Variants in CHN1 observed in about 807,000 individuals in gnomAD.
The protein encoded by CHN1 is N-chimaerin.
In CHN1, 37 loss-of-function variants were observed where a neutral mutation model predicts 59.5. The observed-to-expected ratio is 0.62, with a 90% confidence interval of 0.48 to 0.82. The LOEUF (loss-of-function observed/expected upper bound fraction) is 0.82, where lower values mean the gene tolerates loss of function less well. CHN1 is among the 40% of genes least tolerant of loss of function. CHN1 has a pLI of 0.00. For missense variants in CHN1, 469 were observed against 571.0 expected (o/e 0.82, Z 1.82); for synonymous variants, 206 against 200.4 (o/e 1.03, Z -0.24).
At chr2:174,907,295 A>G (rs1039318458) in intron 5 of CHN1, among the ~76,000 whole-genome samples, 8 of 152,018 alleles carry the variant, frequency 5.3e-5, no homozygotes, top group African/African-American at 1.9e-4. Context: ...CTACTGCTGG[A>G]AAAAAAATTC....
chr2:174,862,567 G>A (rs771665633), intron 6 of CHN1, among the ~76,000 whole-genome samples: 1 of 152,038 alleles, frequency 6.6e-6, no homozygotes, highest in Non-Finnish European at 1.5e-5. Flanking sequence ...TCCTAACCTC[G>A]TGATCCACCT....
chr2:174,871,979 C>T (rs142180918), intron 6 of CHN1, among the ~76,000 whole-genome samples: 7 of 152,202 alleles, frequency 4.6e-5, no homozygotes, highest in Admixed American at 1.3e-4. Context: ...TTGCTCTTAA[C>T]TTGTTTAAAT....
chr2:174,994,448 G>A (rs1370288889), intron 1 of CHN1, among the ~76,000 whole-genome samples: 1 of 152,136 alleles, frequency 6.6e-6, no homozygotes. Context: ...AACATTTATT[G>A]AGTAGCTGGT....
At chr2:174,883,184 T>C (rs1031436415) in intron 5 of CHN1, among the ~76,000 whole-genome samples, 5 of 152,170 alleles carry the variant, frequency 3.3e-5, no homozygotes, top group African/African-American at 1.2e-4. Flanking sequence ...TCGAAGTCCG[T>C]TTAAAAAGCA....
intron 5 of CHN1, among the ~76,000 whole-genome samples, chr2:174,887,450 T>C (rs1175889131): frequency 2.6e-5 from 4 of 152,194 alleles, no homozygotes; most frequent in Non-Finnish European, 5.9e-5. Flanking sequence ...AGGCACTATG[T>C]ATGTATTAAC....
intron 1 of CHN1, among the ~76,000 whole-genome samples, chr2:174,975,429 A>C (rs1032577398): frequency 2.0e-5 from 3 of 152,100 alleles, no homozygotes; most frequent in Non-Finnish European, 4.4e-5. Context: ...TGCCCTCCCC[A>C]AGCACTTCAA....
At chr2:174,844,889 T>G (rs1463435289) in intron 7 of CHN1, among the ~76,000 whole-genome samples, 2 of 152,276 alleles carry the variant, frequency 1.3e-5, no homozygotes, top group East Asian at 3.9e-4. Flanking sequence ...GCATAAATAC[T>G]CTAAGAACAA....
At chr2:174,945,350 G>C (rs1458519338) in intron 2 of CHN1, 3 of 184,384 alleles carry the variant, frequency 1.6e-5, no homozygotes, top group African/African-American at 7.1e-5. Flanking sequence ...AAGATTTATA[G>C]GCTAAATGTA....
intron 4 of CHN1, 46 bp from the exon 5 acceptor site, chr2:174,915,217 AATAAAACAAG>A (rs1245719656): frequency 1.4e-6 from 2 of 1,447,548 alleles, no homozygotes; most frequent in Non-Finnish European, 1.9e-6. Context: ...TACATTTTTC[AATAAAACAAG>A]ATAAAACAAC....
intron 3 of CHN1, among the ~76,000 whole-genome samples, chr2:174,943,812 T>C (rs1689744842): frequency 6.6e-6 from 1 of 152,126 alleles, no homozygotes; most frequent in African/African-American, 2.4e-5. Context: ...AAATAAACTA[T>C]ATCTACAAAT....
At chr2:174,976,363 G>C (rs975589735) in intron 1 of CHN1, among the ~76,000 whole-genome samples, 2 of 151,604 alleles carry the variant, frequency 1.3e-5, no homozygotes, top group South Asian at 2.1e-4. Context: ...TCAGCCTCCC[G>C]AGTAGCTGGG....
chr2:174,967,304 C>G (rs756710338), intron 1 of CHN1, among the ~76,000 whole-genome samples: 2 of 151,838 alleles, frequency 1.3e-5, no homozygotes, highest in African/African-American at 2.4e-5. Context: ...TGCAGGGAGC[C>G]CAGACGACAT....
At chr2:174,924,783 T>C (rs1388830450) in intron 3 of CHN1, among the ~76,000 whole-genome samples, 2 of 152,226 alleles carry the variant, frequency 1.3e-5, no homozygotes, top group African/African-American at 4.8e-5. Flanking sequence ...AAGTGTTACA[T>C]GCTATAGGAA....
chr2:174,935,765 G>GAAAAC (rs1205764654), intron 3 of CHN1, among the ~76,000 whole-genome samples: 2 of 151,830 alleles, frequency 1.3e-5, no homozygotes, highest in South Asian at 2.1e-4. Context: ...ATCTCTACAA[G>GAAAAC]AAAACAAAAC....
chr2:174,989,193 T>C (rs555023174), intron 1 of CHN1, among the ~76,000 whole-genome samples: 12 of 151,372 alleles, frequency 7.9e-5, no homozygotes, highest in African/African-American at 2.9e-4. Flanking sequence ...CTGGCCAACA[T>C]GGTGAAACCC....
intron 6 of CHN1, among the ~76,000 whole-genome samples, chr2:174,861,039 A>T (rs138041842): frequency 0.013 from 2,041 of 152,254 alleles, 22 homozygotes; most frequent in Admixed American, 0.024. Flanking sequence ...TAAAAAATTA[A>T]ATTGTTTTAA....
At chr2:174,865,118 C>T (rs994745746) in intron 6 of CHN1, among the ~76,000 whole-genome samples, 1 of 152,012 alleles carries the variant, frequency 6.6e-6, no homozygotes, top group African/African-American at 2.4e-5. Context: ...ATTAAAAATT[C>T]GATATCATAG....
intron 5 of CHN1, among the ~76,000 whole-genome samples, chr2:174,885,298 A>G (rs1256424095): frequency 4.6e-5 from 7 of 150,964 alleles, no homozygotes; most frequent in Admixed American, 4.6e-4. Flanking sequence ...AAAAATATAT[A>G]TATATAGAGA....
intron 10 of CHN1, 69 bp from the exon 11 acceptor site, chr2:174,809,111 A>T: frequency 1.5e-6 from 2 of 1,339,832 alleles, no homozygotes; most frequent in Non-Finnish European, 2.0e-6. Context: ...TGAATGACAT[A>T]TCTGTATACA....
Sources: gnomAD v4.1 joint callset for allele counts (sites outside exome capture counted in the v4.1 genomes callset) on GRCh38, gnomAD v4.1.1 for gene constraint, MANE v1.5 for transcripts, NCBI Gene and HGNC (gene_info 2026-07-23, HGNC 2026-07-21) for gene names.